CNTNAP2: variants seen among roughly 807,000 people sequenced by gnomAD.
CNTNAP2 encodes the protein contactin associated protein 2.
In CNTNAP2, 98 loss-of-function variants were observed where a neutral mutation model predicts 155.2. The ratio of observed to expected loss-of-function variants is 0.63; its 90% CI spans 0.54 to 0.75. CNTNAP2 has a LOEUF of 0.75. Ranked by LOEUF, CNTNAP2 falls within the 30% of genes least tolerant of loss-of-function variation. CNTNAP2 has a pLI of 0.00. For synonymous variants in CNTNAP2, 651 were observed against 631.2 expected (o/e 1.03, Z -0.47); for missense variants, 1,727 against 1,688.1 (o/e 1.02, Z -0.40).
intron 1 of CNTNAP2, among the ~76,000 whole-genome samples, chr7:146,322,634 C>CTTTTTTTTTT (rs56287346): frequency 0.21 from 13,444 of 64,454 alleles, 3,927 homozygotes; most frequent in Admixed American, 0.29. Context: ...TGTTCATTCT[C>CTTTTTTTTTT]TTTTTTTTTT....
intron 1 of CNTNAP2, among the ~76,000 whole-genome samples, chr7:146,501,504 A>G (rs1424467370): frequency 6.6e-6 from 1 of 152,076 alleles, no homozygotes; most frequent in Non-Finnish European, 1.5e-5. Flanking sequence ...TAGGCATAGA[A>G]TTGTTTATAT....
At chr7:146,975,238 A>T (rs1219863171) in intron 3 of CNTNAP2, among the ~76,000 whole-genome samples, 1 of 151,732 alleles carries the variant, frequency 6.6e-6, no homozygotes, top group African/African-American at 2.4e-5. Context: ...GCCGAGGTGG[A>T]TGGATCACCT....
At chr7:148,110,998 C>A (rs1352317771) in intron 15 of CNTNAP2, among the ~76,000 whole-genome samples, 2 of 152,082 alleles carry the variant, frequency 1.3e-5, no homozygotes, top group Non-Finnish European at 2.9e-5. Context: ...ATTCAGTGAC[C>A]AAAACAAGTC....
intron 16 of CNTNAP2, chr7:148,133,980 C>G (rs897219143): frequency 6.6e-6 from 1 of 152,098 alleles, no homozygotes; most frequent in African/African-American, 2.4e-5. Context: ...GGAGGAAGAC[C>G]GTGCAACATA....
intron 18 of CNTNAP2, among the ~76,000 whole-genome samples, chr7:148,209,853 C>T (rs930546219): frequency 2.6e-5 from 4 of 152,188 alleles, no homozygotes; most frequent in Non-Finnish European, 5.9e-5. Flanking sequence ...ACTATGGTCT[C>T]CCCTGAGGGT....
chr7:148,254,731 G>A lies in CNTNAP2; in HGVS notation c.3382-12302G>A, dbSNP rs11773066. On this transcript the variant is annotated intron_variant, in intron 20 of 23. Transcript: ENST00000361727. ...GCGGAAGTTGCAGTGAGTCAAGATC[G>A]TGCCACTGCACTTCAGCCTGGGCAA... Among the ~76,000 whole-genome samples, 1,158 of 144,686 alleles carry A rather than the reference G, an allele frequency of 8.0e-3. 8 individuals carry two copies. Among genetic ancestry groups the A allele is most frequent in the Middle Eastern group, 0.023 (6 of 266 alleles). 94.9% of individuals were successfully genotyped at this position (144,686 alleles called of 152,430 possible). A position where few individuals can be genotyped will look rare whatever the true frequency, so the allele number is the denominator to read the frequency against.
chr7:147,559,016 G>A (rs928868692), intron 11 of CNTNAP2, among the ~76,000 whole-genome samples: 5 of 152,098 alleles, frequency 3.3e-5, no homozygotes, highest in East Asian at 1.9e-4. Context: ...GATTACAGGC[G>A]TGAGCCACCA....
At chr7:146,745,651 C>T (rs2129181639) in intron 1 of CNTNAP2, among the ~76,000 whole-genome samples, 1 of 151,732 alleles carries the variant, frequency 6.6e-6, no homozygotes. Context: ...CCTGTAATCC[C>T]AGCTACTCAG....
intron 21 of CNTNAP2, among the ~76,000 whole-genome samples, chr7:148,329,805 T>G (rs1218389713): frequency 6.6e-6 from 1 of 152,220 alleles, no homozygotes; most frequent in East Asian, 1.9e-4. Flanking sequence ...TGACCAACTC[T>G]GATTCATCCT....
At chr7:147,568,302 T>C (rs1385253477) in intron 12 of CNTNAP2, among the ~76,000 whole-genome samples, 1 of 152,200 alleles carries the variant, frequency 6.6e-6, no homozygotes, top group Non-Finnish European at 1.5e-5. Context: ...AATTTACTAT[T>C]TCTTGCTAAG....
rs116544882 is a variant in CNTNAP2 at position 148,249,684 on chromosome 7, G to A, written c.3382-17349G>A. On this transcript the variant is annotated intron_variant, in intron 20 of 23. Coordinates refer to ENST00000361727, the MANE Select transcript of CNTNAP2 (RefSeq NM_014141.6). ...CCTGCTTATAGCCTTTCCAATTTCA[G>A]CTGATGGCAACTCCATCCTTCCAGC... Among the ~76,000 whole-genome samples the A allele has an allele frequency of 4.0e-3, 603 of 152,198 alleles. 10 individuals carry two copies. Among genetic ancestry groups the A allele is most frequent in the African/African-American group, 0.013 (557 of 41,520 alleles).
intron 1 of CNTNAP2, among the ~76,000 whole-genome samples, chr7:146,686,658 G>T (rs983148069): frequency 6.6e-6 from 1 of 152,144 alleles, no homozygotes; most frequent in African/African-American, 2.4e-5. Flanking sequence ...ACTTTTCACA[G>T]TATTACTTCC....
chr7:147,316,680 G>A (rs1402502357), intron 9 of CNTNAP2, among the ~76,000 whole-genome samples: 9 of 152,044 alleles, frequency 5.9e-5, no homozygotes, highest in Non-Finnish European at 7.4e-5. Flanking sequence ...AATGGTAACG[G>A]ATCCCATTGT....
intron 8 of CNTNAP2, among the ~76,000 whole-genome samples, chr7:147,236,219 C>A (rs1354834183): frequency 1.3e-5 from 2 of 152,212 alleles, no homozygotes; most frequent in East Asian, 3.9e-4. Context: ...CACTTCATAT[C>A]AAGCCATTCT....
chr7:146,993,483 G>C (rs1798247318), intron 3 of CNTNAP2, among the ~76,000 whole-genome samples: 1 of 152,078 alleles, frequency 6.6e-6, no homozygotes, highest in Non-Finnish European at 1.5e-5. Context: ...ACCAGTTTCA[G>C]GTTTTTTTTC....
At chr7:147,971,361 T>A (rs1451017043) in intron 14 of CNTNAP2, among the ~76,000 whole-genome samples, 1 of 152,194 alleles carries the variant, frequency 6.6e-6, no homozygotes, top group Admixed American at 6.5e-5. Context: ...CAGGTTTTTT[T>A]AGTAAATTTT....
intron 1 of CNTNAP2, among the ~76,000 whole-genome samples, chr7:146,423,680 G>C (rs1343670603): frequency 2.0e-5 from 3 of 152,170 alleles, no homozygotes; most frequent in African/African-American, 4.8e-5. Flanking sequence ...TGGCCTCTTT[G>C]TGTCTCCAAG....
chr7:147,853,536 GA>G (rs1237891235), intron 13 of CNTNAP2, among the ~76,000 whole-genome samples: 3 of 152,120 alleles, frequency 2.0e-5, no homozygotes, highest in African/African-American at 7.2e-5. Context: ...TACAGGAGAG[GA>G]ATCTAAATTA....
chr7:147,517,659 G>A (rs1169094007), intron 11 of CNTNAP2, among the ~76,000 whole-genome samples: 1 of 152,150 alleles, frequency 6.6e-6, no homozygotes, highest in East Asian at 1.9e-4. Context: ...ATGTAAATAA[G>A]ACTACAGCAC....
Sources: allele counts gnomAD v4.1 joint callset (sites outside exome capture counted in the v4.1 genomes callset), GRCh38; gene constraint gnomAD v4.1.1; transcripts MANE v1.5; gene names NCBI Gene and HGNC (gene_info 2026-07-23, HGNC 2026-07-21).